PTPRT: variants seen among roughly 807,000 people sequenced by gnomAD.
The protein encoded by PTPRT is receptor-type tyrosine-protein phosphatase T.
A neutral mutation model predicts 176.8 loss-of-function variants in PTPRT; 56 were observed. The ratio of observed to expected loss-of-function variants is 0.32; its 90% CI spans 0.26 to 0.40. The LOEUF is 0.40. Ranked by LOEUF, PTPRT falls within the 10% of genes least tolerant of loss-of-function variation. PTPRT has a pLI of 1.00. For missense variants in PTPRT, 1,540 were observed against 1,908.2 expected, an observed-to-expected ratio of 0.81 and a Z score of 3.60; for synonymous variants, 783 against 739.0, an observed-to-expected ratio of 1.06 and a Z score of -0.96.
chr20:42,240,027 G>A (rs1053441684), intron 14 of PTPRT, among the ~76,000 whole-genome samples: 4 of 152,132 alleles, frequency 2.6e-5, no homozygotes, highest in African/African-American at 9.7e-5. Context: ...TGAGCATTCT[G>A]GACCTTCTAG....
At chr20:42,453,693 A>T (rs569673829) in intron 8 of PTPRT, among the ~76,000 whole-genome samples, 7 of 136,594 alleles carry the variant, frequency 5.1e-5, no homozygotes, top group African/African-American at 1.1e-4. Flanking sequence ...TTTTTAAGAC[A>T]GAGTTTCACT....
At chr20:42,827,552 G>A (rs1178033722) in intron 2 of PTPRT, among the ~76,000 whole-genome samples, 1 of 152,144 alleles carries the variant, frequency 6.6e-6, no homozygotes, top group African/African-American at 2.4e-5. Flanking sequence ...TACAGCTAAG[G>A]CAGTGTTAAG....
At chr20:42,658,572 A>C (rs912781454) in intron 7 of PTPRT, among the ~76,000 whole-genome samples, 10 of 152,230 alleles carry the variant, frequency 6.6e-5, no homozygotes, top group African/African-American at 2.4e-4. Context: ...TAATATGTGC[A>C]CTGGGCAACC....
chr20:42,108,346 C>G (rs1183243857), intron 23 of PTPRT, among the ~76,000 whole-genome samples: 1 of 152,124 alleles, frequency 6.6e-6, no homozygotes, highest in Non-Finnish European at 1.5e-5. Flanking sequence ...AGCTGCATGA[C>G]CTCGGGCAAA....
chr20:42,803,801 G>A (rs760977469), intron 2 of PTPRT, among the ~76,000 whole-genome samples: 6 of 152,148 alleles, frequency 3.9e-5, no homozygotes, highest in East Asian at 1.9e-4. Flanking sequence ...CAATCTGCCC[G>A]CCTCAGCCTC....
At chr20:42,646,678 C>T (rs1442278113) in intron 7 of PTPRT, among the ~76,000 whole-genome samples, 1 of 152,028 alleles carries the variant, frequency 6.6e-6, no homozygotes, top group African/African-American at 2.4e-5. Context: ...AGAACACTGC[C>T]ATCTTCACAG....
At chr20:42,420,519 C>T (rs1460664199) in intron 9 of PTPRT, among the ~76,000 whole-genome samples, 4 of 152,152 alleles carry the variant, frequency 2.6e-5, no homozygotes, top group African/African-American at 7.2e-5. Context: ...CTTCTCCTTA[C>T]GCCAGGCTAA....
chr20:42,893,150 A>G (rs995220965), intron 1 of PTPRT, among the ~76,000 whole-genome samples: 2 of 152,148 alleles, frequency 1.3e-5, no homozygotes, highest in Non-Finnish European at 2.9e-5. Flanking sequence ...TCTACAATGA[A>G]CTCAAACAAA....
chr20:43,015,158 A>C (rs1320317590), intron 1 of PTPRT, among the ~76,000 whole-genome samples: 1 of 152,228 alleles, frequency 6.6e-6, no homozygotes, highest in Non-Finnish European at 1.5e-5. Context: ...ACGCTAAGGC[A>C]CTTGTATCTT....
rs116352851 is a variant in PTPRT, at chr20:42,511,122, T to C, written c.1154-38560A>G. Reference sequence around the variant, plus strand: ...CACATGGCCACATGATGCTCCATGCTGCCTTGGGACTTCTAAAGGAGTCCT... The same window carrying C: ...CACATGGCCACATGATGCTCCATGCCGCCTTGGGACTTCTAAAGGAGTCCT... On this transcript the variant is annotated intron_variant, in intron 7 of 30. Transcript: ENST00000373187. Among the ~76,000 whole-genome samples the C allele has an allele frequency of 7.7e-3, 1,178 of 152,252 alleles. 24 individuals are homozygous for C. Among genetic ancestry groups the C allele is most frequent in the African/African-American group, 0.027 (1,136 of 41,570 alleles).
At chr20:42,592,168 G>A (rs2073591823) in intron 7 of PTPRT, among the ~76,000 whole-genome samples, 2 of 151,032 alleles carry the variant, frequency 1.3e-5, no homozygotes, top group East Asian at 2.0e-4. Context: ...TTTTGAGACG[G>A]GTTTCACCGT....
At chr20:42,227,407 T>C (rs977315717) in intron 15 of PTPRT, among the ~76,000 whole-genome samples, 2 of 151,938 alleles carry the variant, frequency 1.3e-5, no homozygotes, top group East Asian at 1.9e-4. Context: ...GGGCTGTTAG[T>C]GTCACAAACA....
chr20:42,566,180 G>A (rs186156812), intron 7 of PTPRT, among the ~76,000 whole-genome samples: 52 of 152,092 alleles, frequency 3.4e-4, no homozygotes, highest in African/African-American at 1.3e-3. Flanking sequence ...CTGTCACCCA[G>A]GCTGGAGGTC....
intron 7 of PTPRT, among the ~76,000 whole-genome samples, chr20:42,623,117 A>T (rs533502956): frequency 3.7e-4 from 57 of 152,266 alleles, no homozygotes; most frequent in African/African-American, 1.3e-3. Flanking sequence ...CCACCACTCA[A>T]AAAGACCCCC....
chr20:42,321,515 G>C (rs2057798254), intron 11 of PTPRT, among the ~76,000 whole-genome samples: 1 of 152,094 alleles, frequency 6.6e-6, no homozygotes, highest in African/African-American at 2.4e-5. Flanking sequence ...CACTCCCTTG[G>C]AAGACACACT....
intron 18 of PTPRT, among the ~76,000 whole-genome samples, chr20:42,129,412 A>G (rs1450234016): frequency 6.6e-6 from 1 of 152,250 alleles, no homozygotes; most frequent in Non-Finnish European, 1.5e-5. Flanking sequence ...GCCTTTTCAA[A>G]CACTATCTAG....
At chr20:42,275,068 A>T (rs553128073) in intron 13 of PTPRT, among the ~76,000 whole-genome samples, 1 of 152,340 alleles carries the variant, frequency 6.6e-6, no homozygotes, top group East Asian at 1.9e-4. Context: ...CCCATCATTA[A>T]GTAATAACGA....
chr20:43,134,050 C>T (rs545132484), intron 1 of PTPRT, among the ~76,000 whole-genome samples: 6 of 152,266 alleles, frequency 3.9e-5, no homozygotes, highest in African/African-American at 1.4e-4. Context: ...GTCTGAGCTT[C>T]GATTCCACGG....
chr20:42,905,118 G>C (rs2079457745), intron 1 of PTPRT, among the ~76,000 whole-genome samples: 1 of 152,192 alleles, frequency 6.6e-6, no homozygotes, highest in Non-Finnish European at 1.5e-5. Context: ...ACTACCATCA[G>C]AGTGAACAGG....
Sources: gnomAD v4.1 joint callset for allele counts (sites outside exome capture counted in the v4.1 genomes callset) on GRCh38, gnomAD v4.1.1 for gene constraint, MANE v1.5 for transcripts, NCBI Gene and HGNC (gene_info 2026-07-23, HGNC 2026-07-21) for gene names.